DNAH9: variants seen among roughly 807,000 people sequenced by gnomAD.
DNAH9 encodes the protein dynein axonemal heavy chain 9, also known as DNAH9 variant protein.
In DNAH9, 345 loss-of-function variants were observed where a neutral mutation model predicts 471.6. The ratio of observed to expected loss-of-function variants is 0.73; its 90% CI spans 0.67 to 0.80. The LOEUF (loss-of-function observed/expected upper bound fraction) is 0.80, where lower values mean the gene tolerates loss of function less well. DNAH9 is among the 30% of genes least tolerant of loss of function. The pLI is 0.00. For synonymous variants in DNAH9, 2,093 were observed against 2,123.6 expected (o/e 0.99, Z 0.40); for missense variants, 5,407 against 5,609.2 (o/e 0.96, Z 1.15).
Position 11,598,578 on chromosome 17 carries a change from T to C in DNAH9, c.80T>C (p.Leu27Pro). ...GEPGADRRLR[L>P]LGTYVAMSLR... ...CCCGGCGCCGACCGACGACTGCGAC[T>C]CCTGGGGACCTACGTGGCCATGAGC... Residue 27 changes from leucine (L) to proline (P), a missense_variant, in exon 1 of 69, where the codon CTC becomes CCC. This residue lies in a region of DNAH9 where 767 missense variants were observed against 692.5 expected (regional missense o/e 1.11). Transcript: ENST00000262442. The C allele has an allele frequency of 7.5e-7, 1 of 1,336,272 alleles. No individual in the cohort carries two copies. The highest frequency in any genetic ancestry group is 9.7e-7 in the Non-Finnish European group (1 of 1,031,248). 82.8% of individuals were successfully genotyped at this position (1,336,272 alleles called of 1,614,324 possible). A position where few individuals can be genotyped will look rare whatever the true frequency, so the allele number is the denominator to read the frequency against.
At position 11,784,358 on chromosome 17, in the gene DNAH9, A is replaced by G. The variant is rs1294522563; in HGVS notation, c.7880A>G (p.Tyr2627Cys). ...FPGADALSSI[Y>C]SIILTQHLKL... The stretch of plus-strand genomic sequence containing the variant: ...GGGGCAGATGCCCTGTCCTCTATCT[A>G]CAGCATCATCCTCACTCAGCATCTG... Residue 2627 changes from tyrosine to cysteine, a missense_variant, in exon 41 of 69, where the codon TAC (tyrosine) becomes TGC (cysteine). By Grantham distance (194) the Tyr-to-Cys change is radical (BLOSUM62 -2). Around this residue, in one of 3 missense-constraint regions of DNAH9, gnomAD observed 4,636 missense variants for 4,900.3 expected, o/e 0.95. Transcript: ENST00000262442. 3.7e-6 allele frequency: 6 copies of G among 1,614,046 alleles called. No homozygotes were observed. Among genetic ancestry groups the G allele is most frequent in the Non-Finnish European group, 5.1e-6 (6 of 1,180,046 alleles).
intron 32 of DNAH9, among the ~76,000 whole-genome samples, chr17:11,748,622 C>T (rs1016549843): frequency 1.3e-5 from 2 of 152,138 alleles, no homozygotes; most frequent in East Asian, 3.9e-4. Context: ...GCCCCTAGAG[C>T]CATATTCCTT....
chr17:11,891,073 A>G (rs1973035490), intron 57 of DNAH9, among the ~76,000 whole-genome samples: 2 of 152,212 alleles, frequency 1.3e-5, no homozygotes, highest in East Asian at 3.9e-4. Flanking sequence ...TAAATAGTCA[A>G]TATCTAAGTT....
intron 43 of DNAH9, among the ~76,000 whole-genome samples, chr17:11,804,266 A>C (rs1567813711): frequency 6.6e-6 from 1 of 152,224 alleles, no homozygotes; most frequent in Admixed American, 6.5e-5. Flanking sequence ...ATAACTCCTG[A>C]ATATTTAAGT....
At chr17:11,838,449 C>G (rs1255059251) in intron 49 of DNAH9, among the ~76,000 whole-genome samples, 1 of 151,904 alleles carries the variant, frequency 6.6e-6, no homozygotes, top group Non-Finnish European at 1.5e-5. Context: ...TAGTGAACTG[C>G]CTGGCCAGGT....
intron 49 of DNAH9, among the ~76,000 whole-genome samples, chr17:11,852,814 GTATATATA>G (rs58555259): frequency 0.023 from 2,111 of 92,656 alleles, 162 homozygotes; most frequent in South Asian, 0.083. Context: ...GTGTGTGTGT[GTATATATA>G]TATATATATA....
Position 11,903,099 on chromosome 17 carries a change from G to A in DNAH9, c.11600+187G>A, listed in dbSNP as rs545649724. Among the ~76,000 whole-genome samples, 369 of 152,300 alleles carry A rather than the reference G, an allele frequency of 2.4e-3. 4 individuals are homozygous for A. The highest frequency in any genetic ancestry group is 9.5e-3 in the South Asian group (46 of 4,828). On this transcript the variant is annotated intron_variant, in intron 60 of 68. Transcript: ENST00000262442. ...CTCACGCCTGTAATCCCAGCACTTC[G>A]GGAGGCCGAGGCAGGTGGATCACAA...
At chr17:11,698,258 A>G (rs974864877) in intron 22 of DNAH9, among the ~76,000 whole-genome samples, 1 of 46,842 alleles carries the variant, frequency 2.1e-5, no homozygotes, top group Non-Finnish European at 4.8e-5. Flanking sequence ...ATATTAATAT[A>G]TAATAATTAT....
At chr17:11,628,992 A>T (rs1379236802) in intron 6 of DNAH9, among the ~76,000 whole-genome samples, 2 of 152,148 alleles carry the variant, frequency 1.3e-5, no homozygotes, top group Non-Finnish European at 2.9e-5. Context: ...TTATGAAACT[A>T]ATCAGGCTTC....
intron 68 of DNAH9, among the ~76,000 whole-genome samples, chr17:11,966,616 T>G (rs1340325844): frequency 6.6e-6 from 1 of 152,234 alleles, no homozygotes; most frequent in East Asian, 1.9e-4. Flanking sequence ...CTCTTCTATC[T>G]AATTTAAAGG....
At chr17:11,629,975 A>G (rs7208472) in intron 7 of DNAH9, among the ~76,000 whole-genome samples, 62,584 of 151,890 alleles carry the variant, frequency 0.41, 13,225 homozygotes, top group Middle Eastern at 0.49. Context: ...CAACTATATG[A>G]GGCATCTGAA....
chr17:11,607,499 A>G (rs925724452), intron 1 of DNAH9, among the ~76,000 whole-genome samples: 1 of 152,156 alleles, frequency 6.6e-6, no homozygotes, highest in African/African-American at 2.4e-5. Context: ...GCTGGCAGGG[A>G]ACTGAAGTCT....
chr17:11,951,625 A>G (rs1251216996), intron 67 of DNAH9, among the ~76,000 whole-genome samples: 1 of 151,712 alleles, frequency 6.6e-6, no homozygotes, highest in African/African-American at 2.4e-5. Context: ...ATCTTGAGGG[A>G]AAAAAAATTA....
At chr17:11,894,731 CAG>C (rs1181899742) in intron 59 of DNAH9, among the ~76,000 whole-genome samples, 1 of 152,176 alleles carries the variant, frequency 6.6e-6, no homozygotes, top group African/African-American at 2.4e-5. Flanking sequence ...TGTGAGGAAA[CAG>C]AAAGTTCCTG....
At chr17:11,810,461 T>G in intron 45 of DNAH9, 92 bp downstream of exon 45, 1 of 1,501,602 alleles carries the variant, frequency 6.7e-7, no homozygotes, top group South Asian at 1.4e-5. Flanking sequence ...GTGGGAAGAG[T>G]AAGGTCATAG....
At chr17:11,875,780 C>G (rs922861461) in intron 53 of DNAH9, 4 of 152,658 alleles carry the variant, frequency 2.6e-5, no homozygotes, top group Non-Finnish European at 4.4e-5. Context: ...CTGGCCAGCA[C>G]CCACCAGGCT....
intron 59 of DNAH9, among the ~76,000 whole-genome samples, chr17:11,895,892 C>T (rs1176098095): frequency 3.9e-5 from 6 of 152,214 alleles, no homozygotes; most frequent in African/African-American, 1.2e-4. Flanking sequence ...TATTTATATA[C>T]TTGCCGTCCC....
chr17:11,765,387 G>T (rs1049106975), intron 36 of DNAH9, among the ~76,000 whole-genome samples: 1 of 152,242 alleles, frequency 6.6e-6, no homozygotes, highest in South Asian at 2.1e-4. Flanking sequence ...GCCTCCCAAG[G>T]CAAAACCATG....
chr17:11,632,909 G>A (rs573029902), intron 8 of DNAH9, among the ~76,000 whole-genome samples: 2 of 152,240 alleles, frequency 1.3e-5, no homozygotes, highest in East Asian at 3.9e-4. Flanking sequence ...ATGCTTTCCT[G>A]AAAATGTGAC....
Sources: allele counts gnomAD v4.1 joint callset (sites outside exome capture counted in the v4.1 genomes callset), GRCh38; gene constraint gnomAD v4.1.1; regional missense constraint gnomAD v4.1.1; transcripts MANE v1.5; gene names NCBI Gene and HGNC (gene_info 2026-07-23, HGNC 2026-07-21).